RPTOR: variants seen among roughly 807,000 people sequenced by gnomAD.
The protein encoded by RPTOR is regulatory-associated protein of mTOR.
In RPTOR, 21 loss-of-function variants were observed where a neutral mutation model predicts 169.9. The ratio of observed to expected loss-of-function variants is 0.12; its 90% CI spans 0.09 to 0.18. The LOEUF is 0.18. Among genes scored for constraint, RPTOR ranks in the 10% least tolerant of loss-of-function variants. RPTOR has a pLI of 1.00. For missense variants in RPTOR, 1,133 were observed against 1,855.9 expected (o/e 0.61, Z 7.16); for synonymous variants, 732 against 753.2 (o/e 0.97, Z 0.46).
chr17:80,902,707 A>G (rs2143912285), intron 20 of RPTOR, among the ~76,000 whole-genome samples: 1 of 152,330 alleles, frequency 6.6e-6, no homozygotes, highest in East Asian at 1.9e-4. Flanking sequence ...CCCGGGACCC[A>G]GCCTGAGGTG....
intron 1 of RPTOR, among the ~76,000 whole-genome samples, chr17:80,616,298 CTTT>C (rs201229448): frequency 0.077 from 8,723 of 112,600 alleles, 122 homozygotes; most frequent in Middle Eastern, 0.11. Flanking sequence ...AATTGAAAAT[CTTT>C]TTTTTTTTTT....
chr17:80,782,984 A>T (rs888278109), intron 6 of RPTOR, among the ~76,000 whole-genome samples: 1 of 152,106 alleles, frequency 6.6e-6, no homozygotes, highest in African/African-American at 2.4e-5. Context: ...CTACTGGGGG[A>T]GGTGGAAGCT....
chr17:80,741,049 G>A (rs986486413), intron 5 of RPTOR, among the ~76,000 whole-genome samples: 1 of 152,260 alleles, frequency 6.6e-6, no homozygotes, highest in Non-Finnish European at 1.5e-5. Flanking sequence ...TGACGAGGAT[G>A]TGGAGAGATT....
chr17:80,686,204 T>G (rs867156582), intron 3 of RPTOR, among the ~76,000 whole-genome samples: 42 of 136,462 alleles, frequency 3.1e-4, no homozygotes, highest in South Asian at 3.0e-3. Flanking sequence ...TTTTTTTTTT[T>G]GAGACAGAGT....
intron 1 of RPTOR, among the ~76,000 whole-genome samples, chr17:80,563,300 T>C (rs1833803709): frequency 2.0e-5 from 3 of 151,796 alleles, no homozygotes; most frequent in Non-Finnish European, 4.4e-5. Flanking sequence ...CTGAGGAGGC[T>C]GAGGCGGGTG....
At chr17:80,906,427 G>A (rs950373362) in intron 20 of RPTOR, among the ~76,000 whole-genome samples, 10 of 152,186 alleles carry the variant, frequency 6.6e-5, no homozygotes, top group Non-Finnish European at 7.3e-5. Flanking sequence ...CCCAGTACAC[G>A]CGGTGCAGGA....
At chr17:80,893,913 C>A in intron 20 of RPTOR, 48 bp downstream of exon 20, 1 of 1,499,674 alleles carries the variant, frequency 6.7e-7, no homozygotes, top group South Asian at 1.3e-5. Context: ...CGAGGGTCTC[C>A]TCCCCACACA....
intron 5 of RPTOR, among the ~76,000 whole-genome samples, chr17:80,753,536 G>T (rs545770669): frequency 6.6e-6 from 1 of 150,468 alleles, no homozygotes; most frequent in East Asian, 1.9e-4. Flanking sequence ...GGGAGGCTGA[G>T]GCAGGAGAAT....
At chr17:80,946,372 G>A (rs7503779) in intron 26 of RPTOR, among the ~76,000 whole-genome samples, 55,933 of 152,090 alleles carry the variant, frequency 0.37, 10,462 homozygotes, top group East Asian at 0.47. Context: ...TTCTGAGTGC[G>A]CAGCCAGTGG....
chr17:80,935,139 TA>T (rs1200924393), intron 24 of RPTOR, among the ~76,000 whole-genome samples: 3 of 152,206 alleles, frequency 2.0e-5, no homozygotes, highest in Non-Finnish European at 4.4e-5. Flanking sequence ...AATACTTAAG[TA>T]TAAATCTTTT....
chr17:80,617,489 C>G (rs2065320786), intron 1 of RPTOR, among the ~76,000 whole-genome samples: 1 of 152,150 alleles, frequency 6.6e-6, no homozygotes, highest in African/African-American at 2.4e-5. Context: ...TAATTATGCC[C>G]TTCAACGTGG....
At chr17:80,774,207 G>A (rs2066871689) in intron 6 of RPTOR, 15 of 985,252 alleles carry the variant, frequency 1.5e-5, no homozygotes, top group Non-Finnish European at 1.6e-5. Flanking sequence ...GTCTCCACCC[G>A]CCTTGAGTTC....
chr17:80,641,771 G>A (rs12940622), intron 2 of RPTOR, among the ~76,000 whole-genome samples: 67,383 of 152,102 alleles, frequency 0.44, 15,487 homozygotes, highest in African/African-American at 0.56. Flanking sequence ...ATTGGCTGAC[G>A]GAGGGTCCTG....
chr17:80,959,974 C>T lies in RPTOR; in HGVS notation c.3478-104C>T, dbSNP rs2069313906. On this transcript the variant is annotated intron_variant, in intron 29 of 33. Coordinates refer to ENST00000306801, the MANE Select transcript of RPTOR (RefSeq NM_020761.3). This position sits in a 1 kb window ranked among gnomAD's most constrained non-coding sequence, Gnocchi z 6.7. ...GGCCCCTGCAGCCAGGGAGGGTGATCCCCACAGCCAGGCAGGCAGCAAGAG... is the reference window on the plus strand; with the variant it reads ...GGCCCCTGCAGCCAGGGAGGGTGATTCCCACAGCCAGGCAGGCAGCAAGAG... The T allele has an allele frequency of 1.4e-6, 2 of 1,427,734 alleles. No individual in the cohort carries two copies. The highest frequency in any genetic ancestry group is 9.7e-7 in the Non-Finnish European group (1 of 1,034,774). The allele number at this position is 1,427,734 out of a possible 1,614,324, so 88.4% of individuals were successfully genotyped here.
intron 5 of RPTOR, among the ~76,000 whole-genome samples, chr17:80,740,586 G>GT (rs553228356): frequency 6.6e-5 from 10 of 152,252 alleles, no homozygotes; most frequent in African/African-American, 2.2e-4. Flanking sequence ...GACTTAGTGA[G>GT]TTTTTTTACG....
intron 13 of RPTOR, among the ~76,000 whole-genome samples, chr17:80,876,664 T>A (rs1384339870): frequency 4.8e-5 from 5 of 103,240 alleles, no homozygotes; most frequent in South Asian, 3.9e-4. Context: ...CCACGCAGGG[T>A]GTGTGTGTCG....
intron 21 of RPTOR, among the ~76,000 whole-genome samples, chr17:80,914,950 C>G (rs2068655404): frequency 6.6e-6 from 1 of 152,230 alleles, no homozygotes; most frequent in African/African-American, 2.4e-5. Flanking sequence ...CCAAGCCTGC[C>G]CATGGCTGCC....
At chr17:80,792,875 A>T (rs2143500249) in intron 7 of RPTOR, among the ~76,000 whole-genome samples, 1 of 152,066 alleles carries the variant, frequency 6.6e-6, no homozygotes, top group East Asian at 1.9e-4. Context: ...TGTAACGTAT[A>T]TATTGCCCCC....
At chr17:80,827,011 C>T (rs761986666) in intron 9 of RPTOR, among the ~76,000 whole-genome samples, 4 of 152,212 alleles carry the variant, frequency 2.6e-5, no homozygotes, top group African/African-American at 7.2e-5. Context: ...CCGCTCGGCC[C>T]GCGGGAAGGA....
Sources: gnomAD v4.1 joint callset for allele counts (sites outside exome capture counted in the v4.1 genomes callset) on GRCh38, gnomAD v4.1.1 for gene constraint, Gnocchi (gnomAD v3.1) non-coding constraint, MANE v1.5 for transcripts, NCBI Gene and HGNC (gene_info 2026-07-23, HGNC 2026-07-21) for gene names.